The following KLHL1 variants were observed in gnomAD, a reference collection of about 807,000 sequenced individuals.
KLHL1 encodes kelch like family member 1.
A neutral mutation model predicts 77.7 loss-of-function variants in KLHL1; 47 were observed. The observed-to-expected ratio is 0.60, with a 90% confidence interval of 0.48 to 0.77. KLHL1 has a LOEUF of 0.77. KLHL1 is among the 30% of genes least tolerant of loss of function. The probability of loss-of-function intolerance (pLI) is 0.00; values close to 1 mark genes in which losing one functional copy is unlikely to be tolerated. For synonymous variants in KLHL1, 360 were observed against 325.2 expected, an observed-to-expected ratio of 1.11 and a Z score of -1.15; for missense variants, 925 against 910.8, an observed-to-expected ratio of 1.02 and a Z score of -0.20.
intron 4 of KLHL1, among the ~76,000 whole-genome samples, chr13:69,908,257 G>A (rs1882108438): frequency 6.6e-6 from 1 of 151,378 alleles, no homozygotes; most frequent in Non-Finnish European, 1.5e-5. Context: ...TGAGTGAGAG[G>A]GATAGAGAGA....
At chr13:70,029,753 A>G (rs1796099636) in intron 1 of KLHL1, among the ~76,000 whole-genome samples, 2 of 152,330 alleles carry the variant, frequency 1.3e-5, no homozygotes, top group Middle Eastern at 3.4e-3. Flanking sequence ...ACACATAACA[A>G]TATTAACCTT....
chr13:69,983,464 G>A (rs983518806), intron 1 of KLHL1, among the ~76,000 whole-genome samples: 3 of 151,654 alleles, frequency 2.0e-5, no homozygotes, highest in African/African-American at 7.3e-5. Context: ...TACTGTGCTC[G>A]GTGCGGTGGT....
intron 7 of KLHL1, among the ~76,000 whole-genome samples, chr13:69,783,410 G>A (rs956772994): frequency 6.6e-6 from 1 of 152,084 alleles, no homozygotes; most frequent in Non-Finnish European, 1.5e-5. Context: ...CAATGGCAAA[G>A]CAGTTAAATA....
rs555362700 is a variant in KLHL1 at position 70,038,008 on chromosome 13, G to T, written c.498-62206C>A. 1.2e-4 allele frequency among the ~76,000 whole-genome samples: 18 copies of T among 152,108 alleles called. 1 individual carries two copies. Among genetic ancestry groups the T allele is most frequent in the African/African-American group, 3.9e-4 (16 of 41,498 alleles). On this transcript the variant is annotated intron_variant, in intron 1 of 10. Transcript: ENST00000377844. Reference sequence around the variant, plus strand: ...TCTGTACTTTCATTCCACTAACAAAGCTCTCATTTTCTACTGCTTTGTAAT... The same window carrying T: ...TCTGTACTTTCATTCCACTAACAAATCTCTCATTTTCTACTGCTTTGTAAT...
intron 5 of KLHL1, among the ~76,000 whole-genome samples, chr13:69,859,090 C>G (rs1182232934): frequency 6.6e-6 from 1 of 151,948 alleles, no homozygotes; most frequent in Non-Finnish European, 1.5e-5. Flanking sequence ...ATAAAACTTG[C>G]AATTTTACCT....
intron 2 of KLHL1, among the ~76,000 whole-genome samples, chr13:69,970,424 A>T (rs1364955395): frequency 6.6e-6 from 1 of 152,066 alleles, no homozygotes; most frequent in Non-Finnish European, 1.5e-5. Context: ...ATCAAATATG[A>T]TGTAAAATCC....
chr13:70,045,771 T>C (rs1886480217), intron 1 of KLHL1, among the ~76,000 whole-genome samples: 1 of 152,200 alleles, frequency 6.6e-6, no homozygotes, highest in Non-Finnish European at 1.5e-5. Flanking sequence ...AGCAAATGTT[T>C]CACATTAATT....
chr13:69,908,198 T>TAA (rs1414162452), intron 4 of KLHL1, among the ~76,000 whole-genome samples: 1 of 151,602 alleles, frequency 6.6e-6, no homozygotes, highest in Non-Finnish European at 1.5e-5. Flanking sequence ...TATAGATTTG[T>TAA]AAGAGAAGAG....
At chr13:69,907,932 G>T (rs1213401685) in intron 4 of KLHL1, among the ~76,000 whole-genome samples, 1 of 152,024 alleles carries the variant, frequency 6.6e-6, no homozygotes, top group Non-Finnish European at 1.5e-5. Context: ...AGAAAAGGGA[G>T]AATCTATTTC....
intron 5 of KLHL1, among the ~76,000 whole-genome samples, chr13:69,863,391 A>G (rs1880245689): frequency 6.6e-6 from 1 of 152,108 alleles, no homozygotes; most frequent in Non-Finnish European, 1.5e-5. Context: ...TTAAAACAAA[A>G]TATTAAGGTC....
chr13:69,886,625 A>C (rs1593918397), intron 4 of KLHL1, among the ~76,000 whole-genome samples: 3 of 152,088 alleles, frequency 2.0e-5, no homozygotes, highest in African/African-American at 7.2e-5. Flanking sequence ...CTTTGTTATT[A>C]AGTTTAAAAT....
intron 1 of KLHL1, among the ~76,000 whole-genome samples, chr13:70,001,464 G>A (rs930522058): frequency 2.0e-5 from 3 of 150,960 alleles, no homozygotes; most frequent in South Asian, 2.1e-4. Context: ...AAGCTAAATC[G>A]CACATATAAA....
In KLHL1 at chr13:69,846,220, T is replaced by A. The variant is rs530516688; in HGVS notation, c.1228-7058A>T. Reference sequence around the variant, plus strand: ...ATAAGACTTTTCCACAGGCAATATGTTCTTTCGTTAACAACTCTGTCAGCT... The same window carrying A: ...ATAAGACTTTTCCACAGGCAATATGATCTTTCGTTAACAACTCTGTCAGCT... On this transcript the variant is annotated intron_variant, in intron 5 of 10. Transcript: ENST00000377844. Among the ~76,000 whole-genome samples the A allele has an allele frequency of 2.0e-5, 3 of 151,686 alleles. No homozygotes were observed. In the South Asian group the frequency reaches 6.2e-4, roughly 31 times the overall value.
chr13:69,890,195 A>G (rs904056967), intron 4 of KLHL1, among the ~76,000 whole-genome samples: 3 of 151,564 alleles, frequency 2.0e-5, no homozygotes, highest in Non-Finnish European at 4.4e-5. Context: ...GTGAAATAAA[A>G]GAGACCAGAC....
chr13:69,758,004 T>A (rs1299651487), intron 7 of KLHL1, among the ~76,000 whole-genome samples: 1 of 148,406 alleles, frequency 6.7e-6, no homozygotes, highest in Non-Finnish European at 1.5e-5. Context: ...TTGCAATAAC[T>A]ATCATTCATT....
chr13:69,773,417 C>A (rs903684757), intron 7 of KLHL1, among the ~76,000 whole-genome samples: 5 of 151,914 alleles, frequency 3.3e-5, no homozygotes, highest in Admixed American at 2.6e-4. Flanking sequence ...ATAGAACTTC[C>A]TATATTTTTC....
intron 6 of KLHL1, among the ~76,000 whole-genome samples, chr13:69,829,874 A>G (rs1878693938): frequency 6.7e-6 from 1 of 150,288 alleles, no homozygotes; most frequent in South Asian, 2.1e-4. Flanking sequence ...AAGAAAAGAT[A>G]TAATAATATT....
chr13:69,931,731 C>G (rs571331730), intron 4 of KLHL1, among the ~76,000 whole-genome samples: 1 of 151,294 alleles, frequency 6.6e-6, no homozygotes, highest in Non-Finnish European at 1.5e-5. Flanking sequence ...TTGAAATAAA[C>G]AAAAATATTG....
chr13:69,773,984 G>A (rs1033737116), intron 7 of KLHL1, among the ~76,000 whole-genome samples: 8 of 151,464 alleles, frequency 5.3e-5, no homozygotes, highest in African/African-American at 1.7e-4. Context: ...AATGTTATTT[G>A]CTAATTATTT....
Sources: allele counts gnomAD v4.1 joint callset (sites outside exome capture counted in the v4.1 genomes callset), GRCh38; gene constraint gnomAD v4.1.1; transcripts MANE v1.5; gene names NCBI Gene and HGNC (gene_info 2026-07-23, HGNC 2026-07-21).